The following PLCB1 variants were observed in gnomAD, a reference collection of about 807,000 sequenced individuals.
PLCB1 encodes the protein 1-phosphatidylinositol 4,5-bisphosphate phosphodiesterase beta-1.
Under a neutral mutation model 161.8 loss-of-function variants are expected in PLCB1, and 46 were observed. The ratio of observed to expected loss-of-function variants is 0.28; its 90% CI spans 0.22 to 0.36. The LOEUF (loss-of-function observed/expected upper bound fraction) is 0.36. Among genes scored for constraint, PLCB1 ranks in the 10% least tolerant of loss-of-function variants. The pLI is 1.00. For missense variants in PLCB1, 1,016 were observed against 1,472.5 expected, an observed-to-expected ratio of 0.69 and a Z score of 5.07; for synonymous variants, 517 against 503.7, an observed-to-expected ratio of 1.03 and a Z score of -0.35.
At chr20:8,645,301 C>A (rs1406584640) in intron 4 of PLCB1, among the ~76,000 whole-genome samples, 2 of 129,050 alleles carry the variant, frequency 1.5e-5, no homozygotes, top group Non-Finnish European at 1.6e-5. Flanking sequence ...CAAGAATGAT[C>A]AATAAAAAAA....
chr20:8,674,869 A>G (rs1990036003), intron 9 of PLCB1, among the ~76,000 whole-genome samples: 1 of 152,188 alleles, frequency 6.6e-6, no homozygotes, highest in South Asian at 2.1e-4. Flanking sequence ...GGAAAAGAGT[A>G]AGAGGGACTG....
chr20:8,241,386 C>T (rs1319933241), intron 2 of PLCB1, among the ~76,000 whole-genome samples: 3 of 151,860 alleles, frequency 2.0e-5, no homozygotes, highest in African/African-American at 7.3e-5. Flanking sequence ...CTCTTTCTCT[C>T]TTCACATGGA....
At chr20:8,298,534 A>C (rs1173006829) in intron 2 of PLCB1, among the ~76,000 whole-genome samples, 1 of 151,706 alleles carries the variant, frequency 6.6e-6, no homozygotes, top group Non-Finnish European at 1.5e-5. Context: ...AAATATACTG[A>C]AAAAAACCTT....
chr20:8,774,600 G>T lies in PLCB1; in HGVS notation c.2992G>T (p.Asp998Tyr). 1 of 1,613,940 alleles carries T rather than the reference G, an allele frequency of 6.2e-7. No homozygotes were observed. The change falls in exon 27 of 32, where the codon GAT (aspartate) becomes TAT (tyrosine). Residue 998 changes from aspartate to tyrosine, a missense_variant. Asp to Tyr is a radical substitution (Grantham distance 160). Coordinates refer to ENST00000338037, the MANE Select transcript of PLCB1 (RefSeq NM_015192.4). ...GATTGAGCAAGACCTCGCTGCTCTG[G>T]ATGCTGAAATGACCCAAAAGTTAAT... Reference protein sequence around the residue: ...STIEQDLAALDAEMTQKLIDL... With the variant: ...STIEQDLAALYAEMTQKLIDL...
chr20:8,478,751 T>C (rs1219509606), intron 3 of PLCB1, among the ~76,000 whole-genome samples: 1 of 152,146 alleles, frequency 6.6e-6, no homozygotes, highest in South Asian at 2.1e-4. Flanking sequence ...TTTTTTGTAA[T>C]TTTTGCTAAC....
chr20:8,443,708 T>G (rs1348517740), intron 3 of PLCB1, among the ~76,000 whole-genome samples: 1 of 152,214 alleles, frequency 6.6e-6, no homozygotes, highest in East Asian at 1.9e-4. Context: ...TATTTGGTTA[T>G]TCCCTATTCC....
chr20:8,396,743 G>T (rs1600372599), intron 3 of PLCB1, among the ~76,000 whole-genome samples: 1 of 151,982 alleles, frequency 6.6e-6, no homozygotes, highest in East Asian at 1.9e-4. Flanking sequence ...TTTTCCCAAA[G>T]ATCAAACTGT....
intron 2 of PLCB1, among the ~76,000 whole-genome samples, chr20:8,187,447 C>T (rs930829963): frequency 2.0e-5 from 3 of 152,182 alleles, no homozygotes. Flanking sequence ...GTGCCTCCTC[C>T]CATTTCTGTT....
At position 8,450,382 on chromosome 20, in the gene PLCB1, A is replaced by AT. The variant is rs541752568; in HGVS notation, c.246+78943dup. Reference sequence around the variant, plus strand: ...AAGCCATCACATAAATTTTTCTTTCATTTTTTTTTTTGTCAGTCTCTGAAA... The same window carrying AT: ...AAGCCATCACATAAATTTTTCTTTCATTTTTTTTTTTTGTCAGTCTCTGAAA... On this transcript the variant is annotated intron_variant, in intron 3 of 31. Transcript: ENST00000338037. 9.6e-3 allele frequency among the ~76,000 whole-genome samples: 1,402 copies of AT among 145,914 alleles called. 14 individuals are homozygous for AT. The highest frequency in any genetic ancestry group is 0.031 in the African/African-American group (1,236 of 39,370).
intron 2 of PLCB1, among the ~76,000 whole-genome samples, chr20:8,335,661 A>G (rs1207452369): frequency 1.3e-5 from 2 of 152,146 alleles, no homozygotes; most frequent in African/African-American, 2.4e-5. Flanking sequence ...TTCAAGCATG[A>G]TGCACATTAT....
chr20:8,503,264 T>G (rs531309439), intron 3 of PLCB1, among the ~76,000 whole-genome samples: 1 of 152,272 alleles, frequency 6.6e-6, no homozygotes, highest in South Asian at 2.1e-4. Context: ...CCAAGCTCCT[T>G]AGAATGGCAT....
At chr20:8,780,805 A>T (rs1251530024) in intron 27 of PLCB1, among the ~76,000 whole-genome samples, 1 of 152,216 alleles carries the variant, frequency 6.6e-6, no homozygotes, top group Non-Finnish European at 1.5e-5. Context: ...AAGTCACTGC[A>T]TGACCACCTG....
chr20:8,415,290 G>A (rs708916), intron 3 of PLCB1, among the ~76,000 whole-genome samples: 71,334 of 152,050 alleles, frequency 0.47, 17,367 homozygotes, highest in African/African-American at 0.6. Context: ...GCAGCTGGAT[G>A]TGTACCTTAT....
intron 3 of PLCB1, among the ~76,000 whole-genome samples, chr20:8,541,476 G>A (rs1020365978): frequency 5.9e-5 from 9 of 151,750 alleles, no homozygotes; most frequent in African/African-American, 2.2e-4. Flanking sequence ...GCACTGCATT[G>A]GTTCTCCAAA....
chr20:8,167,420 TTTC>T (rs561916011), intron 2 of PLCB1, among the ~76,000 whole-genome samples: 45 of 152,338 alleles, frequency 3.0e-4, no homozygotes, highest in African/African-American at 1.1e-3. Context: ...TCCCTTTGTT[TTTC>T]TTCATTAGAA....
intron 3 of PLCB1, among the ~76,000 whole-genome samples, chr20:8,488,846 T>C (rs1982834586): frequency 6.6e-6 from 1 of 152,230 alleles, no homozygotes; most frequent in Admixed American, 6.5e-5. Context: ...TGAATCCACT[T>C]AAATTTTCTA....
At chr20:8,291,478 A>T (rs1287114333) in intron 2 of PLCB1, among the ~76,000 whole-genome samples, 1 of 152,224 alleles carries the variant, frequency 6.6e-6, no homozygotes, top group African/African-American at 2.4e-5. Flanking sequence ...CCCAGGAGCA[A>T]CTAGTTATTA....
intron 9 of PLCB1, among the ~76,000 whole-genome samples, chr20:8,684,260 ATTTATTTT>A (rs1219372901): frequency 3.4e-5 from 5 of 148,410 alleles, no homozygotes; most frequent in African/African-American, 7.5e-5. Flanking sequence ...TTATTTATTT[ATTTATTTT>A]TATTTTGAGA....
chr20:8,645,127 G>A (rs574465105), intron 4 of PLCB1, among the ~76,000 whole-genome samples: 1 of 150,408 alleles, frequency 6.6e-6, no homozygotes, highest in African/African-American at 2.4e-5. Context: ...CAGCATGCTC[G>A]TTAAGAGTCA....
Sources: allele counts gnomAD v4.1 joint callset (sites outside exome capture counted in the v4.1 genomes callset), GRCh38; gene constraint gnomAD v4.1.1; transcripts MANE v1.5; gene names NCBI Gene and HGNC (gene_info 2026-07-23, HGNC 2026-07-21).